The following LRRC28 variants were observed in gnomAD, a reference collection of about 807,000 sequenced individuals.
The protein encoded by LRRC28 is leucine rich repeat containing 28, also known as leucine-rich repeat-containing protein 28.
A neutral mutation model predicts 45.7 loss-of-function variants in LRRC28; 39 were observed. The ratio of observed to expected loss-of-function variants is 0.85; its 90% confidence interval spans 0.66 to 1.12. The LOEUF (loss-of-function observed/expected upper bound fraction) is 1.12. LRRC28 is among the 50% of genes most tolerant of loss of function. The probability of loss-of-function intolerance (pLI) is 0.00; values close to 1 mark genes in which losing one functional copy is unlikely to be tolerated. For missense variants in LRRC28, 435 were observed against 438.5 expected, an observed-to-expected ratio of 0.99 and a Z score of 0.07; for synonymous variants, 206 against 178.8, an observed-to-expected ratio of 1.15 and a Z score of -1.22.
chr15:99,291,879 G>C (rs1490263886), intron 5 of LRRC28, among the ~76,000 whole-genome samples: 1 of 152,176 alleles, frequency 6.6e-6, no homozygotes, highest in Non-Finnish European at 1.5e-5. Flanking sequence ...GTGTGAAGTA[G>C]TATTGCATTT....
intron 9 of LRRC28, among the ~76,000 whole-genome samples, chr15:99,363,582 A>G (rs1462910619): frequency 6.6e-6 from 1 of 152,234 alleles, no homozygotes; most frequent in African/African-American, 2.4e-5. Flanking sequence ...CAAGAAAAAA[A>G]AATGTGTTAC....
chr15:99,307,753 C>T (rs1955240716), intron 5 of LRRC28, among the ~76,000 whole-genome samples: 1 of 152,204 alleles, frequency 6.6e-6, no homozygotes, highest in Non-Finnish European at 1.5e-5. Context: ...ACACTCATCT[C>T]AGTTTTAAAG....
In LRRC28 at chr15:99,281,368, C is replaced by T. The variant is rs1476335700; in HGVS notation, c.209+4752C>T. 2.6e-5 allele frequency among the ~76,000 whole-genome samples: 4 copies of T among 152,298 alleles called. No individual in the cohort carries two copies. In the East Asian group the frequency reaches 7.7e-4, roughly 29 times the overall value. ...CTGGGCTCAAGTGATCCTCCTGCCT[C>T]AGCCTCCCAAAGCTCTGGGATTATG... On this transcript the variant is annotated intron_variant, in intron 3 of 9. Transcript: ENST00000301981.
chr15:99,287,440 TAAATA>T (rs1448437299), intron 4 of LRRC28, 146 bp downstream of exon 4: 2 of 565,102 alleles, frequency 3.5e-6, no homozygotes, highest in African/African-American at 3.9e-5. Flanking sequence ...GAACTATAAT[TAAATA>T]AATCTAAAAT....
chr15:99,307,656 A>C (rs574216195), intron 5 of LRRC28, among the ~76,000 whole-genome samples: 89 of 152,104 alleles, frequency 5.9e-4, no homozygotes, highest in Non-Finnish European at 1.0e-3. Flanking sequence ...TTCCCAGTTT[A>C]TTTCTATCCT....
chr15:99,308,495 G>A (rs1334588957), intron 5 of LRRC28, among the ~76,000 whole-genome samples: 1 of 152,068 alleles, frequency 6.6e-6, no homozygotes, highest in Admixed American at 6.6e-5. Context: ...GTAAGACCTT[G>A]TCTCTACAAA....
At chr15:99,251,714 T>TCTGCGGCCCGCGGCCC (rs1273652737) in intron 1 of LRRC28, 173 bp downstream of exon 1, 1 of 152,218 alleles carries the variant, frequency 6.6e-6, no homozygotes, top group Non-Finnish European at 1.5e-5. Flanking sequence ...CTCCTCCCAC[T>TCTGCGGCCCGCGGCCC]CTGCGGCCCG....
At chr15:99,323,255 G>T (rs572127607) in intron 5 of LRRC28, among the ~76,000 whole-genome samples, 1 of 152,180 alleles carries the variant, frequency 6.6e-6, no homozygotes, top group Non-Finnish European at 1.5e-5. Flanking sequence ...CTGCTTATTT[G>T]CAGTGACCAG....
At chr15:99,349,126 C>G (rs539475082) in intron 6 of LRRC28, among the ~76,000 whole-genome samples, 1 of 151,978 alleles carries the variant, frequency 6.6e-6, no homozygotes, top group South Asian at 2.1e-4. Flanking sequence ...TGAAATGTAT[C>G]CTGTAGCTAT....
chr15:99,256,213 A>G, intron 2 of LRRC28, 88 bp downstream of exon 2: 1 of 989,798 alleles, frequency 1.0e-6, no homozygotes, highest in Non-Finnish European at 1.4e-6. Context: ...TATTCAGACC[A>G]AGACTTATAT....
chr15:99,267,353 A>G (rs2081359222), intron 2 of LRRC28, among the ~76,000 whole-genome samples: 1 of 152,204 alleles, frequency 6.6e-6, no homozygotes, highest in Non-Finnish European at 1.5e-5. Flanking sequence ...AGTTAAGGAG[A>G]TGGCCTAAAA....
rs1199113803 is a variant in LRRC28, at chr15:99,347,927, C to G, written c.593-4442C>G. Among the ~76,000 whole-genome samples the G allele has an allele frequency of 3.3e-5, 5 of 152,290 alleles. 1 individual carries two copies. The highest frequency in any genetic ancestry group is 1.2e-4 in the African/African-American group (5 of 41,564). ...ACTAGGGTTCCCTTTTCTCCACACCCTCAGCAACATTTGTTATCTCTTATC... is the reference window on the plus strand; with the variant it reads ...ACTAGGGTTCCCTTTTCTCCACACCGTCAGCAACATTTGTTATCTCTTATC... On this transcript the variant is annotated intron_variant, in intron 6 of 9. Transcript: ENST00000301981.
rs1418250463 is a variant in LRRC28, at chr15:99,387,679, T to C, written c.*1577T>C. The C allele has an allele frequency of 6.6e-6, 1 of 152,202 alleles. No homozygotes were observed. Among genetic ancestry groups the C allele is most frequent in the African/African-American group, 2.4e-5 (1 of 41,452 alleles). 9.4% of individuals were successfully genotyped at this position (152,202 alleles called of 1,614,324 possible). A position where few individuals can be genotyped will look rare whatever the true frequency, so the allele number is the denominator to read the frequency against. On this transcript the variant is annotated 3_prime_UTR_variant, in exon 10 of 10. Coordinates refer to ENST00000301981, the MANE Select transcript of LRRC28 (RefSeq NM_144598.5). Reference sequence around the variant, plus strand: ...AGATGTTCATCTGCTTGCTGTGAAGTGATTCTTTTTTTAAAATGTTTTTTA... The same window carrying C: ...AGATGTTCATCTGCTTGCTGTGAAGCGATTCTTTTTTTAAAATGTTTTTTA...
chr15:99,255,666 A>T (rs562613968), intron 1 of LRRC28, among the ~76,000 whole-genome samples: 1 of 152,162 alleles, frequency 6.6e-6, no homozygotes, highest in Non-Finnish European at 1.5e-5. Flanking sequence ...CATTAGGACT[A>T]TTTCTAATAA....
intron 7 of LRRC28, chr15:99,353,859 C>G (rs545581448): frequency 1.3e-5 from 2 of 152,272 alleles, no homozygotes; most frequent in South Asian, 4.1e-4. Context: ...TTATTGACTA[C>G]TAGAAAGTTC....
rs188072405 is a variant in LRRC28 at position 99,257,796 on chromosome 15, A to T, written c.168+1671A>T. 1,504 of 779,842 alleles carry T rather than the reference A, an allele frequency of 1.9e-3. 6 individuals are homozygous for T. Among genetic ancestry groups the T allele is most frequent in the Middle Eastern group, 3.8e-3 (15 of 3,994 alleles). The allele number at this position is 779,842 out of a possible 1,614,324, so 48.3% of individuals were successfully genotyped here. On this transcript the variant is annotated intron_variant, in intron 2 of 9. Coordinates refer to ENST00000301981, the MANE Select transcript of LRRC28 (RefSeq NM_144598.5). ...AGTAGTACAGAGAGAGGAAGAAGCT[A>T]TTCAGTTGGATAAATTAAATGCATC...
At chr15:99,257,530 C>T (rs374998006) in intron 2 of LRRC28, 16 of 440,402 alleles carry the variant, frequency 3.6e-5, no homozygotes, top group South Asian at 1.8e-4. Context: ...AATTTGTGGG[C>T]GGACCACGCG....
chr15:99,278,609 G>A (rs1217669662), intron 3 of LRRC28, among the ~76,000 whole-genome samples: 1 of 152,222 alleles, frequency 6.6e-6, no homozygotes, highest in Non-Finnish European at 1.5e-5. Context: ...AAAGATGCTG[G>A]CTTTACAGTT....
At chr15:99,268,098 C>T (rs1397246718) in intron 2 of LRRC28, among the ~76,000 whole-genome samples, 1 of 152,084 alleles carries the variant, frequency 6.6e-6, no homozygotes, top group African/African-American at 2.4e-5. Context: ...CATTTTAATT[C>T]TGTAGATATT....
Sources: allele counts gnomAD v4.1 joint callset (sites outside exome capture counted in the v4.1 genomes callset), GRCh38; gene constraint gnomAD v4.1.1; transcripts MANE v1.5; gene names NCBI Gene and HGNC (gene_info 2026-07-23, HGNC 2026-07-21).